Variants in CYP51A1 observed in about 807,000 individuals in gnomAD.
CYP51A1 encodes the protein cytochrome P450 family 51 subfamily A member 1.
CYP51A1 carries 45 observed loss-of-function variants against 53.5 expected under a neutral mutation model. The observed-to-expected ratio is 0.84, with a 90% confidence interval of 0.66 to 1.08. The LOEUF is 1.08. Ranked by LOEUF, CYP51A1 falls within the 50% of genes least tolerant of loss-of-function variation. The pLI is 0.00. For synonymous variants in CYP51A1, 181 were observed against 217.7 expected (o/e 0.83, Z 1.48); for missense variants, 462 against 621.7 (o/e 0.74, Z 2.73).
In CYP51A1 at chr7:92,114,659, G is replaced by A. The variant is rs1266571281; in HGVS notation, c.1352-816C>T. On this transcript the variant is annotated intron_variant, in intron 9 of 9. Coordinates refer to ENST00000003100, the MANE Select transcript of CYP51A1 (RefSeq NM_000786.4). ...CATAATCAAATACTAATTCAAGAAG[G>A]GTCACAAACCATGATGCTAACAGCA... Among the ~76,000 whole-genome samples, 3 of 152,006 alleles carry A rather than the reference G, an allele frequency of 2.0e-5. No homozygotes were observed. In the East Asian group the frequency reaches 5.8e-4, roughly 29 times the overall value.
intron 7 of CYP51A1, 151 bp from the exon 8 acceptor site, chr7:92,118,766 C>T (rs1201565343): frequency 1.7e-6 from 1 of 579,130 alleles, no homozygotes; most frequent in Admixed American, 2.8e-5. Flanking sequence ...TTATCATGCT[C>T]TACCACTGTC....
At chr7:92,132,264 C>T (rs1819937248) in intron 1 of CYP51A1, among the ~76,000 whole-genome samples, 1 of 152,130 alleles carries the variant, frequency 6.6e-6, no homozygotes, top group African/African-American at 2.4e-5. Context: ...AGAACTGGTC[C>T]CAGGACCCCC....
In CYP51A1 at chr7:92,134,236, G is replaced by C; in HGVS notation, c.129C>G (p.Thr43=). The C allele has an allele frequency of 6.2e-7, 1 of 1,613,460 alleles. No homozygotes were observed. ...LSMLLIACAF[T]LSLVYLIRLA... ...GACGGATCAGGTAGACCAGGCTGAGGGTGAAGGCGCAGGCGATCAGCAGCA... is the reference window on the plus strand; with the variant it reads ...GACGGATCAGGTAGACCAGGCTGAGCGTGAAGGCGCAGGCGATCAGCAGCA... Residue 43 remains threonine (T), a synonymous_variant, in exon 1 of 10, where the codon ACC becomes ACG. Coordinates refer to ENST00000003100, the MANE Select transcript of CYP51A1 (RefSeq NM_000786.4).
At chr7:92,123,451 GT>G (rs1299795670) in intron 6 of CYP51A1, 136 bp from the exon 7 acceptor site, 6 of 841,306 alleles carry the variant, frequency 7.1e-6, no homozygotes, top group African/African-American at 3.4e-5. Context: ...CAAGTCAAGA[GT>G]TTTTTTTCTC....
At chr7:92,116,077 G>A (rs1278824525) in intron 9 of CYP51A1, among the ~76,000 whole-genome samples, 2 of 152,180 alleles carry the variant, frequency 1.3e-5, no homozygotes, top group African/African-American at 4.8e-5. Context: ...TTCGAGACCA[G>A]CCTGGCCAAC....
intron 9 of CYP51A1, among the ~76,000 whole-genome samples, chr7:92,116,410 A>G (rs1819580390): frequency 6.6e-6 from 1 of 152,246 alleles, no homozygotes; most frequent in Admixed American, 6.5e-5. Context: ...ATGACAAGTC[A>G]TCTGTCATTT....
At chr7:92,121,847 C>T (rs142158360) in intron 7 of CYP51A1, among the ~76,000 whole-genome samples, 3 of 152,256 alleles carry the variant, frequency 2.0e-5, no homozygotes, top group Non-Finnish European at 4.4e-5. Context: ...TAATGGGTAC[C>T]AGCTCTCTTT....
chr7:92,123,316 C>T lies in CYP51A1; in HGVS notation c.891-1G>A, dbSNP rs748009397. On this transcript the variant is annotated splice_acceptor_variant, in intron 6 of 9. Coordinates refer to ENST00000003100, the MANE Select transcript of CYP51A1 (RefSeq NM_000786.4). LOFTEE classifies it high-confidence loss of function. ...ATCATCAGTCAAAGGACGCCCATCC[C>T]TAAGGAATGAACCAAAGACACAAAT... 2.5e-6 allele frequency: 4 copies of T among 1,608,558 alleles called. No homozygotes were observed. The South Asian group carries it at 4.4e-5, about 18-fold the overall frequency.
chr7:92,122,633 T>C (rs1234089154), intron 7 of CYP51A1, among the ~76,000 whole-genome samples: 1 of 152,206 alleles, frequency 6.6e-6, no homozygotes, highest in African/African-American at 2.4e-5. Flanking sequence ...CAAGATGGAA[T>C]GTCAGGTTGT....
chr7:92,118,221 A>G (rs1819618185), intron 8 of CYP51A1, among the ~76,000 whole-genome samples: 1 of 151,870 alleles, frequency 6.6e-6, no homozygotes, highest in Non-Finnish European at 1.5e-5. Context: ...TGGCGTGATC[A>G]TGGATTACTG....
In CYP51A1 at chr7:92,113,156, T is replaced by C. The variant is rs1819491794; in HGVS notation, c.*509A>G. ...CTGAGTATCATCATACCAAAACAAT[T>C]AGTATTCTCTTATTCAAGGCTTTAG... On this transcript the variant is annotated 3_prime_UTR_variant, in exon 10 of 10. Coordinates refer to ENST00000003100, the MANE Select transcript of CYP51A1 (RefSeq NM_000786.4). 2 of 152,270 alleles carry C rather than the reference T, an allele frequency of 1.3e-5. No homozygotes were observed. The highest frequency in any genetic ancestry group is 2.1e-4 in the South Asian group (1 of 4,838). 9.4% of individuals were successfully genotyped at this position (152,270 alleles called of 1,614,324 possible). A position where few individuals can be genotyped will look rare whatever the true frequency, so the allele number is the denominator to read the frequency against.
At chr7:92,125,472 G>C (rs915093405) in intron 5 of CYP51A1, among the ~76,000 whole-genome samples, 2 of 152,096 alleles carry the variant, frequency 1.3e-5, no homozygotes, top group Non-Finnish European at 2.9e-5. Context: ...AAAACACTAA[G>C]CACTAAGCTA....
At chr7:92,124,656 G>A (rs1208827287) in intron 5 of CYP51A1, among the ~76,000 whole-genome samples, 25 of 152,226 alleles carry the variant, frequency 1.6e-4, no homozygotes, top group Admixed American at 1.6e-3. Flanking sequence ...AAGAGAAGAT[G>A]TTGGGGCTTA....
chr7:92,131,716 T>G, intron 2 of CYP51A1, 58 bp downstream of exon 2: 1 of 964,128 alleles, frequency 1.0e-6, no homozygotes. Flanking sequence ...TAAAAAAGTT[T>G]AAAAAGCACT....
chr7:92,134,601 A>G (rs1210167824), upstream of CYP51A1: 2 of 501,954 alleles, frequency 4.0e-6, no homozygotes, highest in Non-Finnish European at 7.0e-6. Context: ...CTTGCGCGGG[A>G]TAGGGCACCT....
intron 4 of CYP51A1, among the ~76,000 whole-genome samples, 188 bp downstream of exon 4, chr7:92,127,317 G>T (rs1298086768): frequency 6.6e-6 from 1 of 152,142 alleles, no homozygotes; most frequent in Non-Finnish European, 1.5e-5. Flanking sequence ...TACTTAACTT[G>T]CAGCCCAGTA....
chr7:92,121,662 A>G (rs1819696220), intron 7 of CYP51A1, among the ~76,000 whole-genome samples: 1 of 152,278 alleles, frequency 6.6e-6, no homozygotes, highest in Admixed American at 6.5e-5. Context: ...GTACTGATAC[A>G]TGCTACAACA....
chr7:92,114,649 A>G (rs1419648749), intron 9 of CYP51A1, among the ~76,000 whole-genome samples: 1 of 152,360 alleles, frequency 6.6e-6, no homozygotes, highest in Non-Finnish European at 1.5e-5. Context: ...TCAAATACTA[A>G]TTCAAGAAGG....
At chr7:92,125,674 G>A (rs1189179125) in intron 5 of CYP51A1, among the ~76,000 whole-genome samples, 1 of 152,214 alleles carries the variant, frequency 6.6e-6, no homozygotes, top group African/African-American at 2.4e-5. Flanking sequence ...AGACTTTCCT[G>A]AGGATAAGGA....
Sources: gnomAD v4.1 joint callset for allele counts (sites outside exome capture counted in the v4.1 genomes callset) on GRCh38, gnomAD v4.1.1 for gene constraint, MANE v1.5 for transcripts, NCBI Gene and HGNC (gene_info 2026-07-23, HGNC 2026-07-21) for gene names.